PTPRT: variants seen among roughly 807,000 people sequenced by gnomAD.
PTPRT encodes the protein receptor-type tyrosine-protein phosphatase T.
A neutral mutation model predicts 176.8 loss-of-function variants in PTPRT; 56 were observed. The ratio of observed to expected loss-of-function variants is 0.32; its 90% CI spans 0.26 to 0.40. PTPRT has a LOEUF of 0.40. PTPRT is among the 10% of genes least tolerant of loss of function. PTPRT has a pLI of 1.00. For missense variants in PTPRT, 1,540 were observed against 1,908.2 expected, an observed-to-expected ratio of 0.81 and a Z score of 3.60; for synonymous variants, 783 against 739.0, an observed-to-expected ratio of 1.06 and a Z score of -0.96.
chr20:42,778,193 C>T (rs2077164590), intron 4 of PTPRT, among the ~76,000 whole-genome samples: 1 of 152,140 alleles, frequency 6.6e-6, no homozygotes, highest in African/African-American at 2.4e-5. Context: ...ATTCCAGTGC[C>T]CTCCAAAGAG....
chr20:42,350,223 T>TG (rs1371553725), intron 11 of PTPRT, among the ~76,000 whole-genome samples: 1,304 of 59,072 alleles, frequency 0.022, 40 homozygotes, highest in African/African-American at 0.077. Context: ...TGTTTTTTTT[T>TG]TTTTTTTTTT....
At position 42,625,212 on chromosome 20, in the gene PTPRT, C is replaced by G. The variant is rs2074267663; in HGVS notation, c.1153+52654G>C. Among the ~76,000 whole-genome samples the G allele has an allele frequency of 2.0e-5, 3 of 152,140 alleles. No individual in the cohort carries two copies. In the South Asian group the frequency reaches 6.2e-4, roughly 32 times the overall value. ...TCCTCACTGTGAGGTCCAGCTTAAC[C>G]TCTACTAGCTCCAGGGTCCTGGAGA... is the stretch of plus-strand genomic sequence containing the variant. On this transcript the variant is annotated intron_variant, in intron 7 of 30. Transcript: ENST00000373187.
At chr20:42,360,977 T>C (rs2058424134) in intron 9 of PTPRT, among the ~76,000 whole-genome samples, 1 of 152,186 alleles carries the variant, frequency 6.6e-6, no homozygotes, top group South Asian at 2.1e-4. Flanking sequence ...TAACAAATCC[T>C]CAATGTGGTA....
At chr20:42,953,234 G>A (rs1981372426) in intron 1 of PTPRT, among the ~76,000 whole-genome samples, 1 of 152,178 alleles carries the variant, frequency 6.6e-6, no homozygotes, top group Admixed American at 6.5e-5. Flanking sequence ...GGCGGGGAGG[G>A]TAGACAGAGC....
chr20:42,064,258 T>G, the PTPRT span, among the ~76,000 whole-genome samples: 2 of 152,290 alleles, frequency 1.3e-5, no homozygotes, highest in East Asian at 3.9e-4. Flanking sequence ...ACTTTAAAAT[T>G]GTTTTTTCCA....
At chr20:42,787,856 A>G (rs2077314471) in intron 3 of PTPRT, among the ~76,000 whole-genome samples, 1 of 152,190 alleles carries the variant, frequency 6.6e-6, no homozygotes, top group African/African-American at 2.4e-5. Flanking sequence ...TTTGCTGTAG[A>G]AATATTACAT....
intron 1 of PTPRT, among the ~76,000 whole-genome samples, chr20:42,952,749 T>C (rs899070652): frequency 6.6e-6 from 1 of 152,192 alleles, no homozygotes; most frequent in African/African-American, 2.4e-5. Flanking sequence ...TTGGTCCACA[T>C]GACAATCCTG....
chr20:42,417,336 G>A (rs539939621), intron 9 of PTPRT, among the ~76,000 whole-genome samples: 53 of 152,156 alleles, frequency 3.5e-4, no homozygotes, highest in African/African-American at 1.3e-3. Context: ...TTTTACCCAA[G>A]CAGCCTCCTG....
At chr20:42,685,065 C>T (rs1407669767) in intron 6 of PTPRT, among the ~76,000 whole-genome samples, 1 of 152,088 alleles carries the variant, frequency 6.6e-6, no homozygotes, top group African/African-American at 2.4e-5. Context: ...GGCAACATGC[C>T]CGGGGTCTGC....
chr20:42,355,079 A>G (rs2058339975), intron 9 of PTPRT, among the ~76,000 whole-genome samples: 1 of 152,024 alleles, frequency 6.6e-6, no homozygotes. Context: ...ACAGGCATCT[A>G]TCTGCCTCTC....
chr20:42,971,191 A>G (rs1269760000), intron 1 of PTPRT: 1 of 152,252 alleles, frequency 6.6e-6, no homozygotes, highest in African/African-American at 2.4e-5. Flanking sequence ...CATGTCAGAA[A>G]GCATTTCAAA....
At chr20:43,019,078 A>G (rs7269908) in intron 1 of PTPRT, among the ~76,000 whole-genome samples, 58,777 of 152,098 alleles carry the variant, frequency 0.39, 13,685 homozygotes, top group African/African-American at 0.66. Context: ...GCCCTACAAT[A>G]GTACTGAGTA....
intron 7 of PTPRT, among the ~76,000 whole-genome samples, chr20:42,583,043 G>A (rs1472798044): frequency 6.6e-6 from 1 of 152,062 alleles, no homozygotes; most frequent in Non-Finnish European, 1.5e-5. Context: ...CACAGGGGCT[G>A]GCACATGAAG....
At chr20:42,197,376 CAAAAAAAAAAAAA>C (rs3086756) in intron 16 of PTPRT, among the ~76,000 whole-genome samples, 2 of 33,318 alleles carry the variant, frequency 6.0e-5, no homozygotes, top group Admixed American at 5.7e-4. Context: ...GAGACTCCAT[CAAAAAAAAAAAAA>C]AAAAAAAAAA....
intron 13 of PTPRT, among the ~76,000 whole-genome samples, chr20:42,260,785 T>C (rs2056735093): frequency 6.6e-6 from 1 of 152,034 alleles, no homozygotes; most frequent in East Asian, 1.9e-4. Flanking sequence ...GCTGAGACTA[T>C]TCAAAGGGAG....
chr20:42,799,641 A>G (rs985787188), intron 2 of PTPRT, among the ~76,000 whole-genome samples: 7 of 152,194 alleles, frequency 4.6e-5, no homozygotes, highest in Admixed American at 1.3e-4. Flanking sequence ...TTGCTCTTTG[A>G]TGTTGGAAAT....
chr20:42,169,830 T>C (rs1990002953), intron 16 of PTPRT, among the ~76,000 whole-genome samples: 1 of 148,420 alleles, frequency 6.7e-6, no homozygotes, highest in African/African-American at 2.5e-5. Flanking sequence ...AGCCATCCCC[T>C]GTCTTGTTAT....
chr20:42,681,494 G>A (rs1309429930), intron 6 of PTPRT, among the ~76,000 whole-genome samples: 3 of 152,180 alleles, frequency 2.0e-5, no homozygotes, highest in Admixed American at 6.5e-5. Context: ...CTCATGTTGA[G>A]TCTATGAACA....
the PTPRT span, among the ~76,000 whole-genome samples, chr20:42,048,760 T>C: frequency 6.6e-6 from 1 of 152,202 alleles, no homozygotes; most frequent in East Asian, 1.9e-4. Context: ...CCTGTATTAA[T>C]TGCTGACTCA....
Sources: allele counts gnomAD v4.1 joint callset (sites outside exome capture counted in the v4.1 genomes callset), GRCh38; gene constraint gnomAD v4.1.1; transcripts MANE v1.5; gene names NCBI Gene and HGNC (gene_info 2026-07-23, HGNC 2026-07-21).